NKAIN2: variants seen among roughly 807,000 people sequenced by gnomAD.
The protein encoded by NKAIN2 is sodium/potassium transporting ATPase interacting 2, also known as sodium/potassium-transporting ATPase subunit beta-1-interacting protein 2.
NKAIN2 carries 14 observed loss-of-function variants against 32.6 expected under a neutral mutation model. The observed-to-expected ratio is 0.43, with a 90% CI of 0.28 to 0.67. NKAIN2 has a LOEUF of 0.67. Ranked by LOEUF, NKAIN2 falls within the 30% of genes least tolerant of loss-of-function variation. NKAIN2 has a pLI of 0.17. For missense variants in NKAIN2, 198 were observed against 258.3 expected (o/e 0.77, Z 1.60); for synonymous variants, 80 against 87.2 (o/e 0.92, Z 0.46).
At chr6:124,160,782 A>G (rs545965116) in intron 1 of NKAIN2, among the ~76,000 whole-genome samples, 2 of 152,160 alleles carry the variant, frequency 1.3e-5, no homozygotes, top group Non-Finnish European at 2.9e-5. Flanking sequence ...ATTTTTTTAG[A>G]ATATCTGAAA....
intron 1 of NKAIN2, among the ~76,000 whole-genome samples, chr6:123,840,344 T>C (rs1369507623): frequency 6.6e-6 from 1 of 152,082 alleles, no homozygotes; most frequent in East Asian, 1.9e-4. Context: ...GCCAAAAAAT[T>C]ATACAACCAT....
chr6:124,122,860 AAAC>A (rs1175637395), intron 1 of NKAIN2, among the ~76,000 whole-genome samples: 2 of 152,056 alleles, frequency 1.3e-5, no homozygotes, highest in Middle Eastern at 3.2e-3. Flanking sequence ...TCATGTTAAA[AAAC>A]AACAACAACA....
chr6:124,087,895 G>A (rs1052086259), intron 1 of NKAIN2, among the ~76,000 whole-genome samples: 25 of 152,014 alleles, frequency 1.6e-4, no homozygotes, highest in African/African-American at 5.5e-4. Flanking sequence ...TTAACATTCC[G>A]AAAATTTTAT....
At chr6:124,593,505 TAC>T (rs1162567162) in intron 3 of NKAIN2, among the ~76,000 whole-genome samples, 3 of 152,128 alleles carry the variant, frequency 2.0e-5, no homozygotes, top group African/African-American at 7.2e-5. Flanking sequence ...GGCTGAGGTT[TAC>T]AGTGTGTGGA....
At chr6:124,087,336 GAGA>G (rs1784229327) in intron 1 of NKAIN2, among the ~76,000 whole-genome samples, 1 of 151,838 alleles carries the variant, frequency 6.6e-6, no homozygotes, top group Admixed American at 6.6e-5. Context: ...GTTGAGAAAC[GAGA>G]AGCTTTTTCA....
rs1475684861 is a variant in NKAIN2, at chr6:124,506,655, A to G, written c.273+151308A>G. Among the ~76,000 whole-genome samples, 3 of 152,186 alleles carry G rather than the reference A, an allele frequency of 2.0e-5. No individual in the cohort carries two copies. In the East Asian group the frequency reaches 5.8e-4, roughly 29 times the overall value. On this transcript the variant is annotated intron_variant, in intron 3 of 6. Coordinates refer to ENST00000368417, the MANE Select transcript of NKAIN2 (RefSeq NM_001040214.3). ...TAATGAGCACTAAAGCCCAAGAGAC[A>G]TTGTTTTAGTAGAACTATTTTCTCT...
chr6:124,314,482 G>T (rs1796853128), intron 2 of NKAIN2, among the ~76,000 whole-genome samples: 1 of 152,128 alleles, frequency 6.6e-6, no homozygotes, highest in African/African-American at 2.4e-5. Flanking sequence ...CAGCAAAGAA[G>T]CTAGAGGAGT....
chr6:124,213,110 A>G (rs1348752048), intron 1 of NKAIN2, among the ~76,000 whole-genome samples: 3 of 152,114 alleles, frequency 2.0e-5, no homozygotes, highest in East Asian at 3.9e-4. Context: ...CGAATATCCT[A>G]TAGGAGATGT....
intron 1 of NKAIN2, among the ~76,000 whole-genome samples, chr6:123,843,077 A>G (rs1188223315): frequency 6.6e-6 from 1 of 152,170 alleles, no homozygotes; most frequent in Non-Finnish European, 1.5e-5. Flanking sequence ...AGGGTTGTCC[A>G]TGACCTCTGG....
intron 1 of NKAIN2, among the ~76,000 whole-genome samples, chr6:123,907,295 A>G (rs1475198962): frequency 6.6e-6 from 1 of 152,192 alleles, no homozygotes; most frequent in African/African-American, 2.4e-5. Flanking sequence ...TAAATTGAAA[A>G]TAGTAAAATG....
At chr6:124,223,212 C>CAAAAAA (rs369262954) in intron 1 of NKAIN2, among the ~76,000 whole-genome samples, 1 of 68,200 alleles carries the variant, frequency 1.5e-5, no homozygotes, top group African/African-American at 5.9e-5. Context: ...GACTCCATCT[C>CAAAAAA]AAAAAAAAAA....
At chr6:124,201,342 A>C (rs1195021062) in intron 1 of NKAIN2, among the ~76,000 whole-genome samples, 1 of 152,000 alleles carries the variant, frequency 6.6e-6, no homozygotes, top group Non-Finnish European at 1.5e-5. Context: ...CCCATGAATT[A>C]ACTTTTTGGT....
chr6:123,829,927 G>A lies in NKAIN2; in HGVS notation c.54+25673G>A, dbSNP rs188068810. ...ACACTTCTGCATAAGCTGGGGACAT[G>A]TATATTGTTGTTGACATCCTCTTAC... is the stretch of plus-strand genomic sequence containing the variant. On this transcript the variant is annotated intron_variant, in intron 1 of 6. Transcript: ENST00000368417. 2.4e-3 allele frequency among the ~76,000 whole-genome samples: 359 copies of A among 152,314 alleles called. 3 individuals carry two copies. Among genetic ancestry groups the A allele is most frequent in the Middle Eastern group, 6.8e-3 (2 of 294 alleles).
chr6:124,378,665 A>AT (rs1800093623), intron 3 of NKAIN2, among the ~76,000 whole-genome samples: 1 of 152,072 alleles, frequency 6.6e-6, no homozygotes, highest in African/African-American at 2.4e-5. Context: ...CAGGTTAATA[A>AT]TTTTTTATTT....
At chr6:124,284,270 A>G (rs1439889226) in intron 2 of NKAIN2, among the ~76,000 whole-genome samples, 1 of 152,150 alleles carries the variant, frequency 6.6e-6, no homozygotes, top group Non-Finnish European at 1.5e-5. Context: ...TCTTTTATGA[A>G]TCGTAATTTG....
At chr6:124,676,807 T>C (rs1348585117) in intron 4 of NKAIN2, among the ~76,000 whole-genome samples, 1 of 152,158 alleles carries the variant, frequency 6.6e-6, no homozygotes, top group African/African-American at 2.4e-5. Context: ...ATTCTATAAG[T>C]ATGGCCCACC....
At chr6:124,487,710 G>A (rs1450940457) in intron 3 of NKAIN2, among the ~76,000 whole-genome samples, 1 of 151,968 alleles carries the variant, frequency 6.6e-6, no homozygotes, top group African/African-American at 2.4e-5. Flanking sequence ...CTTATTTCCT[G>A]TTTAGAAGCA....
At chr6:124,458,955 C>T (rs535572974) in intron 3 of NKAIN2, among the ~76,000 whole-genome samples, 3 of 151,934 alleles carry the variant, frequency 2.0e-5, no homozygotes, top group African/African-American at 2.4e-5. Flanking sequence ...TTCTACAGGT[C>T]CTTGTGACCA....
rs1053897021 is a variant in NKAIN2, at chr6:124,323,553, T to C, written c.193-31714T>C. The stretch of plus-strand genomic sequence containing the variant: ...ATAGTATTTGTTGAAAAGACTACTC[T>C]TTCCCCCCACTTAATCACTTTTGTA... On this transcript the variant is annotated intron_variant, in intron 2 of 6. Coordinates refer to ENST00000368417, the MANE Select transcript of NKAIN2 (RefSeq NM_001040214.3). Among the ~76,000 whole-genome samples the C allele has an allele frequency of 3.3e-5, 5 of 152,246 alleles. No homozygotes were observed. The South Asian group carries it at 1.0e-3, about 31-fold the overall frequency.
Sources: allele counts gnomAD v4.1 joint callset (sites outside exome capture counted in the v4.1 genomes callset), GRCh38; gene constraint gnomAD v4.1.1; transcripts MANE v1.5; gene names NCBI Gene and HGNC (gene_info 2026-07-23, HGNC 2026-07-21).